RAB33A: variants seen among roughly 807,000 people sequenced by gnomAD.
The protein encoded by RAB33A is ras-related protein Rab-33A.
RAB33A carries 6 observed loss-of-function variants against 12.0 expected under a neutral mutation model. The ratio of observed to expected loss-of-function variants is 0.50; its 90% CI spans 0.27 to 0.99. RAB33A has a LOEUF of 0.99. RAB33A is among the 50% of genes least tolerant of loss of function. The pLI, the probability that RAB33A is intolerant of heterozygous loss-of-function variation, is 0.11. For missense variants in RAB33A, 109 were observed against 192.0 expected (o/e 0.57, Z 2.55); for synonymous variants, 70 against 82.4 (o/e 0.85, Z 0.81).
chrX:130,120,838 C>T, the RAB33A span, among the ~76,000 whole-genome samples: 1 of 113,113 alleles, frequency 8.8e-6, no homozygotes, highest in Non-Finnish European at 1.9e-5. Context: ...GCGTGCCCAC[C>T]CGCCCAGCAG....
chrX:130,131,391 TC>T, the RAB33A span, among the ~76,000 whole-genome samples: 1 of 112,592 alleles, frequency 8.9e-6, no homozygotes, highest in East Asian at 2.8e-4. Flanking sequence ...AGAAAGGTCT[TC>T]CCAGAGACAC....
the RAB33A span, among the ~76,000 whole-genome samples, chrX:130,142,208 A>C: frequency 8.9e-6 from 1 of 111,993 alleles, no homozygotes; most frequent in Non-Finnish European, 1.9e-5. Flanking sequence ...CAGTGCAGGT[A>C]GCGCTGGGAA....
chrX:130,171,660 C>G (rs2031607455), upstream of RAB33A: 1 of 157,724 alleles, frequency 6.3e-6, no homozygotes, highest in African/African-American at 3.1e-5. Context: ...GGGTCCGTCC[C>G]GGGAATGCAG....
the RAB33A span, among the ~76,000 whole-genome samples, chrX:130,144,375 G>A: frequency 6.3e-5 from 7 of 111,574 alleles, no homozygotes; most frequent in Non-Finnish European, 3.8e-5. Context: ...GCTCTTTCAC[G>A]CAAAGCCCTC....
the RAB33A span, among the ~76,000 whole-genome samples, chrX:130,125,482 C>T: frequency 3.7e-4 from 41 of 111,022 alleles, no homozygotes; most frequent in African/African-American, 1.2e-3. Context: ...ACCTCTGGGC[C>T]CAGCAGAACT....
At position 130,176,887 on chromosome X, in the gene RAB33A, A is replaced by C. The variant is rs575267563; in HGVS notation, c.258+4567A>C. Among the ~76,000 whole-genome samples the C allele has an allele frequency of 2.7e-4, 30 of 111,280 alleles. 1 individual carries two copies. The South Asian group carries it at 0.011, about 40-fold the overall frequency. On this transcript the variant is annotated intron_variant, in intron 1 of 1. Coordinates refer to ENST00000257017, the MANE Select transcript of RAB33A (RefSeq NM_004794.3). Reference sequence around the variant, plus strand: ...AGATGTATTTGTCTCCTTTTTTTGCACTTCTACCCTCCCCCATCGGCCTCC... The same window carrying C: ...AGATGTATTTGTCTCCTTTTTTTGCCCTTCTACCCTCCCCCATCGGCCTCC...
chrX:130,127,382 G>A, the RAB33A span, among the ~76,000 whole-genome samples: 1 of 111,218 alleles, frequency 9.0e-6, no homozygotes, highest in East Asian at 2.8e-4. Context: ...CTTAAAAGCA[G>A]TGGCTATGTT....
At chrX:130,124,151 TATC>T in the RAB33A span, among the ~76,000 whole-genome samples, 4 of 111,402 alleles carry the variant, frequency 3.6e-5, no homozygotes, top group East Asian at 2.8e-4. Context: ...GGAACTCACT[TATC>T]ATACTCCCAG....
chrX:130,174,438 G>T (rs752534085), intron 1 of RAB33A, among the ~76,000 whole-genome samples: 1 of 112,231 alleles, frequency 8.9e-6, no homozygotes, highest in African/African-American at 3.2e-5. Flanking sequence ...CATGCTGGCA[G>T]GCGAGAGACC....
chrX:130,149,943 C>T, the RAB33A span, among the ~76,000 whole-genome samples: 10 of 112,069 alleles, frequency 8.9e-5, no homozygotes, highest in South Asian at 3.7e-4. Context: ...GTTTGGACTA[C>T]GCTGGACACT....
At chrX:130,130,905 C>G in the RAB33A span, among the ~76,000 whole-genome samples, 1 of 112,210 alleles carries the variant, frequency 8.9e-6, no homozygotes, top group African/African-American at 3.2e-5. Flanking sequence ...AATCCACTTA[C>G]TAGGTTACTA....
the RAB33A span, chrX:130,145,684 G>GT: frequency 1.1e-5 from 6 of 560,870 alleles, no homozygotes; most frequent in Admixed American, 1.4e-4. Context: ...GTTTTCCAAA[G>GT]TAAGTCTCCA....
the RAB33A span, chrX:130,137,199 A>T: frequency 2.5e-5 from 30 of 1,209,106 alleles, 1 homozygote; most frequent in East Asian, 8.9e-4. Context: ...GGAAGAAGAA[A>T]CAGAGTAGTT....
chrX:130,122,998 AC>A, the RAB33A span, among the ~76,000 whole-genome samples: 6 of 111,730 alleles, frequency 5.4e-5, no homozygotes, highest in African/African-American at 1.6e-4. Flanking sequence ...AAAAACAAAA[AC>A]CAGCAAAACC....
At chrX:130,110,782 G>C in the RAB33A span, 2 of 105,883 alleles carry the variant, frequency 1.9e-5, no homozygotes, top group African/African-American at 6.9e-5. Flanking sequence ...GGGGAGCGGG[G>C]CGGACGCCGG....
the RAB33A span, among the ~76,000 whole-genome samples, chrX:130,149,972 T>C: frequency 8.9e-6 from 1 of 112,121 alleles, no homozygotes; most frequent in African/African-American, 3.2e-5. Flanking sequence ...AATCAATCTA[T>C]AGGGTCCCGG....
At chrX:130,176,906 G>A (rs925522121) in intron 1 of RAB33A, among the ~76,000 whole-genome samples, 3 of 111,882 alleles carry the variant, frequency 2.7e-5, no homozygotes, top group African/African-American at 9.8e-5. Flanking sequence ...CTCCCCCATC[G>A]GCCTCCAACA....
chrX:130,180,794 G>A (rs1264371856), intron 1 of RAB33A, among the ~76,000 whole-genome samples: 3 of 105,790 alleles, frequency 2.8e-5, no homozygotes, highest in Non-Finnish European at 5.8e-5. Context: ...TGTTACCTAA[G>A]GTCAGGAGTT....
chrX:130,135,497 C>T, the RAB33A span, among the ~76,000 whole-genome samples: 2 of 104,491 alleles, frequency 1.9e-5, no homozygotes, highest in South Asian at 4.4e-4. Context: ...AAGGTACCTA[C>T]GTCCTTAGTT....
Sources: gnomAD v4.1 joint callset for allele counts (sites outside exome capture counted in the v4.1 genomes callset) on GRCh38, gnomAD v4.1.1 for gene constraint, MANE v1.5 for transcripts, NCBI Gene and HGNC (gene_info 2026-07-23, HGNC 2026-07-21) for gene names.